Variants in TXNDC16 observed in about 807,000 individuals in gnomAD.
The protein encoded by TXNDC16 is thioredoxin domain-containing protein 16.
A neutral mutation model predicts 85.6 loss-of-function variants in TXNDC16; 74 were observed. The ratio of observed to expected loss-of-function variants is 0.86; its 90% CI spans 0.72 to 1.05. TXNDC16 has a LOEUF of 1.05. Ranked by LOEUF, TXNDC16 falls within the 50% of genes least tolerant of loss-of-function variation. TXNDC16 has a pLI of 0.00. For synonymous variants in TXNDC16, 335 were observed against 326.5 expected (o/e 1.03, Z -0.28); for missense variants, 959 against 947.0 (o/e 1.01, Z -0.17).
intron 14 of TXNDC16, among the ~76,000 whole-genome samples, chr14:52,477,338 G>C (rs769339992): frequency 2.0e-5 from 3 of 152,106 alleles, no homozygotes; most frequent in African/African-American, 7.2e-5. Context: ...TACTAACATT[G>C]AATGTAAATG....
At chr14:52,522,533 A>T (rs977078637) in intron 6 of TXNDC16, among the ~76,000 whole-genome samples, 4 of 152,242 alleles carry the variant, frequency 2.6e-5, no homozygotes, top group African/African-American at 9.6e-5. Flanking sequence ...AGGAACAGTA[A>T]AGAATTATTT....
intron 12 of TXNDC16, 87 bp downstream of exon 12, chr14:52,488,276 C>A: frequency 6.6e-7 from 1 of 1,511,376 alleles, no homozygotes; most frequent in Non-Finnish European, 9.0e-7. Context: ...TGAACACATT[C>A]TTGGAGAAAG....
At chr14:52,486,410 A>G (rs1455943259) in intron 12 of TXNDC16, among the ~76,000 whole-genome samples, 2 of 151,742 alleles carry the variant, frequency 1.3e-5, no homozygotes, top group East Asian at 1.9e-4. Flanking sequence ...CAGCCTCCCA[A>G]GGAGCTGGGA....
At chr14:52,488,273 A>G in intron 12 of TXNDC16, 90 bp downstream of exon 12, 2 of 1,496,840 alleles carry the variant, frequency 1.3e-6, no homozygotes, top group South Asian at 2.5e-5. Context: ...ATCTGAACAC[A>G]TTCTTGGAGA....
chr14:52,463,478 C>A (rs2035701323), intron 16 of TXNDC16, among the ~76,000 whole-genome samples: 1 of 152,132 alleles, frequency 6.6e-6, no homozygotes. Context: ...CTGGGCAGCC[C>A]CCCCAAACCA....
intron 17 of TXNDC16, among the ~76,000 whole-genome samples, chr14:52,456,650 T>C (rs901300798): frequency 8.5e-5 from 13 of 152,188 alleles, no homozygotes; most frequent in Non-Finnish European, 1.9e-4. Context: ...ATTTTGGTAG[T>C]CCATAGAAGT....
Position 52,470,511 on chromosome 14 carries a change from C to G in TXNDC16, c.1481+1G>C, listed in dbSNP as rs374072857. On this transcript the variant is annotated splice_donor_variant, in intron 15 of 20. Transcript: ENST00000281741. LOFTEE classifies it high-confidence loss of function. The stretch of plus-strand genomic sequence containing the variant: ...ATCTTATAATGAAGCTGAATACTTA[C>G]AGCTGGATAAATTTTAGGAGATCTT... 6.2e-7 allele frequency: 1 copy of G among 1,611,326 alleles called. No homozygotes were observed. The highest frequency in any genetic ancestry group is 8.5e-7 in the Non-Finnish European group (1 of 1,179,002).
intron 3 of TXNDC16, among the ~76,000 whole-genome samples, 196 bp from the exon 4 acceptor site, chr14:52,542,649 C>T (rs1321794064): frequency 6.6e-6 from 1 of 152,078 alleles, no homozygotes; most frequent in East Asian, 1.9e-4. Context: ...TCATGATGTA[C>T]TTTAACTTTG....
chr14:52,514,130 C>A (rs908448936), intron 8 of TXNDC16, among the ~76,000 whole-genome samples: 3 of 152,156 alleles, frequency 2.0e-5, no homozygotes, highest in African/African-American at 7.2e-5. Flanking sequence ...TACTCTCCTT[C>A]CCTCAAAAGT....
intron 6 of TXNDC16, among the ~76,000 whole-genome samples, chr14:52,527,066 C>A (rs186920759): frequency 6.6e-6 from 1 of 152,204 alleles, no homozygotes; most frequent in African/African-American, 2.4e-5. Context: ...GTATCCTTTG[C>A]GATACTCTTT....
intron 18 of TXNDC16, among the ~76,000 whole-genome samples, chr14:52,453,800 C>T (rs1278908401): frequency 1.3e-5 from 2 of 152,102 alleles, no homozygotes; most frequent in Non-Finnish European, 2.9e-5. Context: ...TTTACATTCC[C>T]ACCAAGAGTG....
chr14:52,436,303 A>G (rs2035024984), intron 20 of TXNDC16, among the ~76,000 whole-genome samples: 3 of 152,216 alleles, frequency 2.0e-5, no homozygotes, highest in African/African-American at 7.2e-5. Context: ...ATGATAAGTG[A>G]AAGAAGTCAG....
chr14:52,470,250 A>G (rs906004812), intron 15 of TXNDC16, 77 bp from the exon 16 acceptor site: 4 of 1,095,646 alleles, frequency 3.7e-6, no homozygotes, highest in Non-Finnish European at 5.2e-6. Flanking sequence ...CATACTAAAC[A>G]TAGCAAACAA....
At chr14:52,520,294 C>T (rs534976655) in intron 6 of TXNDC16, among the ~76,000 whole-genome samples, 11 of 151,976 alleles carry the variant, frequency 7.2e-5, no homozygotes, top group African/African-American at 2.7e-4. Context: ...TCAGACTGAT[C>T]ATATTTATTC....
Position 52,514,871 on chromosome 14 carries a change from T to G in TXNDC16, c.605+9A>C, listed in dbSNP as rs1358774278. On this transcript the variant is annotated intron_variant, in intron 8 of 20. Transcript: ENST00000281741. ...CTTTAAATTGTTGACATATGCTTTT[T>G]ATACATACCCAATACTTTCCAAAAG... is the stretch of plus-strand genomic sequence containing the variant. The G allele has an allele frequency of 1.3e-6, 2 of 1,587,956 alleles. No individual in the cohort carries two copies. The highest frequency in any genetic ancestry group is 1.7e-6 in the Non-Finnish European group (2 of 1,167,802).
At chr14:52,467,457 A>C (rs557878861) in intron 16 of TXNDC16, among the ~76,000 whole-genome samples, 2 of 152,362 alleles carry the variant, frequency 1.3e-5, no homozygotes, top group Admixed American at 1.3e-4. Flanking sequence ...ATTTCTCCAA[A>C]GAATATATAC....
chr14:52,484,397 C>T (rs2036219614), intron 12 of TXNDC16, among the ~76,000 whole-genome samples: 1 of 152,200 alleles, frequency 6.6e-6, no homozygotes, highest in Admixed American at 6.5e-5. Context: ...ATTTCTAATA[C>T]AGTCACGTAC....
chr14:52,541,630 T>C (rs1046692669), intron 4 of TXNDC16, among the ~76,000 whole-genome samples: 1 of 152,228 alleles, frequency 6.6e-6, no homozygotes, highest in African/African-American at 2.4e-5. Context: ...AGAGCGACCA[T>C]AGCCATCTTT....
intron 16 of TXNDC16, among the ~76,000 whole-genome samples, chr14:52,469,364 A>C (rs1435718406): frequency 6.6e-6 from 1 of 152,094 alleles, no homozygotes; most frequent in Non-Finnish European, 1.5e-5. Context: ...AAAACAAAAA[A>C]CAAATTTAAA....
Sources: gnomAD v4.1 joint callset for allele counts (sites outside exome capture counted in the v4.1 genomes callset) on GRCh38, gnomAD v4.1.1 for gene constraint, MANE v1.5 for transcripts, NCBI Gene and HGNC (gene_info 2026-07-23, HGNC 2026-07-21) for gene names.